Variants in KIRREL3 observed in about 807,000 individuals in gnomAD.
KIRREL3 encodes kin of IRRE-like protein 3.
Under a neutral mutation model 89.7 loss-of-function variants are expected in KIRREL3, and 36 were observed. The ratio of observed to expected loss-of-function variants is 0.40; its 90% CI spans 0.31 to 0.53. The LOEUF (loss-of-function observed/expected upper bound fraction) is 0.53. KIRREL3 is among the 20% of genes least tolerant of loss of function. The pLI is 0.49. For missense variants in KIRREL3, 864 were observed against 1,056.6 expected, an observed-to-expected ratio of 0.82 and a Z score of 2.53; for synonymous variants, 445 against 441.4, an observed-to-expected ratio of 1.01 and a Z score of -0.10.
At chr11:126,657,680 C>T (rs1945214934) in intron 1 of KIRREL3, among the ~76,000 whole-genome samples, 1 of 152,210 alleles carries the variant, frequency 6.6e-6, no homozygotes, top group Admixed American at 6.5e-5. Context: ...GAGGACTGCG[C>T]TAGCTTGGGA....
In KIRREL3 at chr11:126,683,305, G is replaced by A. The variant is rs1375153046; in HGVS notation, c.56-120393C>T. Among the ~76,000 whole-genome samples the A allele has an allele frequency of 6.6e-6, 1 of 152,172 alleles. No individual in the cohort carries two copies. Among genetic ancestry groups the A allele is most frequent in the Non-Finnish European group, 1.5e-5 (1 of 68,030 alleles). ...ACCAAATCTGGAAAGTAGAGTTGGG[G>A]TTGTGAAATATTAGAACGTGTGGAT... On this transcript the variant is annotated intron_variant, in intron 1 of 16. Coordinates refer to ENST00000525144, the MANE Select transcript of KIRREL3 (RefSeq NM_032531.4). This position sits in a 1 kb window ranked among gnomAD's most constrained non-coding sequence, Gnocchi z 5.2.
At chr11:126,665,110 AT>A (rs1398342086) in intron 1 of KIRREL3, among the ~76,000 whole-genome samples, 1 of 152,108 alleles carries the variant, frequency 6.6e-6, no homozygotes, top group South Asian at 2.1e-4. Context: ...ATTGTTGTAG[AT>A]TTCCTTCCAC....
intron 1 of KIRREL3, among the ~76,000 whole-genome samples, chr11:126,826,234 T>G (rs4937187): frequency 0.86 from 131,380 of 152,170 alleles, 57,067 homozygotes; most frequent in East Asian, 1. Context: ...AATTCTGCCT[T>G]GTTTTGATGA....
Position 126,521,463 on chromosome 11 carries a change from A to G in KIRREL3, c.285T>C (p.Ser95=), listed in dbSNP as rs1355672755. ...TCCCTACCACCAGGTACTGTGGGTA[A>G]CCTGTGGAGACAACAGGCAGGTCAG... ...LALGVGRDLS[S]YPQYLVVGNH... Residue 95 remains serine (S), a splice_region_variant and synonymous_variant, in exon 4 of 17, where the codon AGT becomes AGC. Coordinates refer to ENST00000525144, the MANE Select transcript of KIRREL3 (RefSeq NM_032531.4). The surrounding 1 kb of genome is among the most constrained non-coding windows in gnomAD (Gnocchi z 4.1). 2.5e-6 allele frequency: 4 copies of G among 1,580,806 alleles called. No individual in the cohort carries two copies. Among genetic ancestry groups the G allele is most frequent in the Admixed American group, 1.8e-5 (1 of 55,128 alleles).
rs1764802326 is a variant in KIRREL3 at position 126,550,064 on chromosome 11, T to C, written c.133+12771A>G. On this transcript the variant is annotated intron_variant, in intron 2 of 16. Transcript: ENST00000525144. The surrounding 1 kb of genome is among the most constrained non-coding windows in gnomAD (Gnocchi z 4.9). The stretch of plus-strand genomic sequence containing the variant: ...GGTTACCGCAACTGCGACATTGTAT[T>C]GTAGTTGCTGACGTGTTTGTCTCTC... 6.6e-6 allele frequency: 1 copy of C among 152,252 alleles called. No homozygotes were observed. The highest frequency in any genetic ancestry group is 1.5e-5 in the Non-Finnish European group (1 of 68,050). 9.4% of individuals were successfully genotyped at this position (152,252 alleles called of 1,614,324 possible). A position where few individuals can be genotyped will look rare whatever the true frequency, so the allele number is the denominator to read the frequency against.
intron 4 of KIRREL3, among the ~76,000 whole-genome samples, chr11:126,494,825 C>T (rs1479810171): frequency 1.3e-5 from 2 of 152,224 alleles, no homozygotes; most frequent in African/African-American, 4.8e-5. Context: ...GATGGATGGG[C>T]TCCCGAGGCC....
Position 126,562,370 on chromosome 11 carries a change from G to A in KIRREL3, c.133+465C>T, listed in dbSNP as rs762077133. ...AAAGGGGGCAGGTTTCCTAGGGTAA[G>A]TTCTTTGGGAATAAAGACATTGCCA... On this transcript the variant is annotated intron_variant, in intron 2 of 16. Transcript: ENST00000525144. This position sits in a 1 kb window ranked among gnomAD's most constrained non-coding sequence, Gnocchi z 4.7. 2.6e-5 allele frequency among the ~76,000 whole-genome samples: 4 copies of A among 152,174 alleles called. No individual in the cohort carries two copies. Among genetic ancestry groups the A allele is most frequent in the Non-Finnish European group, 4.4e-5 (3 of 68,034 alleles).
chr11:126,472,487 C>A (rs1956922172), intron 5 of KIRREL3, among the ~76,000 whole-genome samples: 1 of 152,176 alleles, frequency 6.6e-6, no homozygotes, highest in Admixed American at 6.5e-5. Flanking sequence ...GAAGCTCCAC[C>A]CCCATGACCT....
chr11:126,930,373 G>T (rs1202962386), intron 1 of KIRREL3, among the ~76,000 whole-genome samples: 1 of 152,072 alleles, frequency 6.6e-6, no homozygotes, highest in Non-Finnish European at 1.5e-5. Context: ...GCTCACCCTT[G>T]CCTGTTGTGC....
In KIRREL3 at chr11:126,819,569, G is replaced by A. The variant is rs555072559; in HGVS notation, c.55+180886C>T. Among the ~76,000 whole-genome samples, 28 of 152,340 alleles carry A rather than the reference G, an allele frequency of 1.8e-4. No homozygotes were observed. In the South Asian group the frequency reaches 5.8e-3, roughly 32 times the overall value. ...ATACAGCCACCCCAATTAAGAGCAC[G>A]TTGGCCATCTGCTTCGCAGGTACGA... On this transcript the variant is annotated intron_variant, in intron 1 of 16. Transcript: ENST00000525144.
At chr11:126,699,705 G>C (rs1374962758) in intron 1 of KIRREL3, among the ~76,000 whole-genome samples, 5 of 152,192 alleles carry the variant, frequency 3.3e-5, no homozygotes, top group Non-Finnish European at 7.3e-5. Flanking sequence ...TGTGGCTAGT[G>C]ATGAGTGTAT....
intron 1 of KIRREL3, among the ~76,000 whole-genome samples, chr11:126,848,214 A>T (rs1365661895): frequency 6.6e-6 from 1 of 152,254 alleles, no homozygotes; most frequent in African/African-American, 2.4e-5. Flanking sequence ...ATCTGAGATT[A>T]CTTATGGAAC....
In KIRREL3 at chr11:126,991,301, A is replaced by C. The variant is rs1950028621; in HGVS notation, c.55+9154T>G. On this transcript the variant is annotated intron_variant, in intron 1 of 16. Transcript: ENST00000525144. This position sits in a 1 kb window ranked among gnomAD's most constrained non-coding sequence, Gnocchi z 5.8. ...CATCTCTCCATGTGCTGATATTACA[A>C]GCACTGCTGGCTTCTCCTCTCATTA... 6.6e-6 allele frequency among the ~76,000 whole-genome samples: 1 copy of C among 152,080 alleles called. No homozygotes were observed.
intron 1 of KIRREL3, among the ~76,000 whole-genome samples, chr11:126,929,320 A>G (rs559317301): frequency 2.6e-5 from 4 of 152,194 alleles, no homozygotes; most frequent in East Asian, 1.9e-4. Context: ...TCCGAATGAA[A>G]TCCAGACAGG....
Position 126,424,389 on chromosome 11 carries a change from G to T in KIRREL3, c.*191C>A. 9 of 498,580 alleles carry T rather than the reference G, an allele frequency of 1.8e-5. No individual in the cohort carries two copies. Among genetic ancestry groups the T allele is most frequent in the East Asian group, 3.8e-5 (1 of 26,168 alleles). 30.9% of individuals were successfully genotyped at this position (498,580 alleles called of 1,614,324 possible). On this transcript the variant is annotated 3_prime_UTR_variant, in exon 17 of 17. Coordinates refer to ENST00000525144, the MANE Select transcript of KIRREL3 (RefSeq NM_032531.4). ...TCTGTCTCCCCACCCGCCCACCTCT[G>T]GCACACAGCACCTGGGGACCCAGAT...
In KIRREL3 at chr11:126,432,400, G is replaced by A. The variant is rs1408876025; in HGVS notation, c.1589-874C>T. Among the ~76,000 whole-genome samples, 1 of 152,170 alleles carries A rather than the reference G, an allele frequency of 6.6e-6. No homozygotes were observed. Among genetic ancestry groups the A allele is most frequent in the Non-Finnish European group, 1.5e-5 (1 of 68,034 alleles). On this transcript the variant is annotated intron_variant, in intron 13 of 16. Coordinates refer to ENST00000525144, the MANE Select transcript of KIRREL3 (RefSeq NM_032531.4). This position sits in a 1 kb window ranked among gnomAD's most constrained non-coding sequence, Gnocchi z 6.2. The stretch of plus-strand genomic sequence containing the variant: ...CCTTCTACAGCTGCAAGTGGGGTCG[G>A]AGCACATGATTTAGGGCCTTGAGGA...
chr11:126,582,171 C>T (rs1392454973), intron 1 of KIRREL3, among the ~76,000 whole-genome samples: 3 of 152,186 alleles, frequency 2.0e-5, no homozygotes, highest in East Asian at 1.9e-4. Flanking sequence ...TGGAGCCTCT[C>T]TGGGCTTTTG....
chr11:126,566,849 G>C lies in KIRREL3; in HGVS notation c.56-3937C>G, dbSNP rs1940557125. Among the ~76,000 whole-genome samples the C allele has an allele frequency of 6.6e-6, 1 of 152,146 alleles. No individual in the cohort carries two copies. Among genetic ancestry groups the C allele is most frequent in the African/African-American group, 2.4e-5 (1 of 41,430 alleles). On this transcript the variant is annotated intron_variant, in intron 1 of 16. Transcript: ENST00000525144. The surrounding 1 kb of genome is among the most constrained non-coding windows in gnomAD (Gnocchi z 4.9). ...TCTCTTTAGATGCTCACAGTAAGTA[G>C]CTCTGTGACACAGGCAAGTCAGAAA...
chr11:126,473,377 C>A lies in KIRREL3; in HGVS notation c.523G>T (p.Ala175Ser). Reference protein sequence around the residue: ...PLNLTCHADNAKPAASIIWLR... With the variant: ...PLNLTCHADNSKPAASIIWLR... Reference sequence around the variant, plus strand: ...CAGATGATGGAGGCTGCAGGCTTGGCATTGTCTGCGTGGCAGGTGAGGTTG... The same window carrying A: ...CAGATGATGGAGGCTGCAGGCTTGGAATTGTCTGCGTGGCAGGTGAGGTTG... The change falls in exon 5 of 17, where the codon GCC becomes TCC. Residue 175 changes from alanine to serine, a missense_variant. Physicochemically the swap from Ala to Ser is moderately conservative, Grantham distance 99 (BLOSUM62 1). Coordinates refer to ENST00000525144, the MANE Select transcript of KIRREL3 (RefSeq NM_032531.4). The A allele has an allele frequency of 6.4e-7, 1 of 1,571,746 alleles. No homozygotes were observed. The highest frequency in any genetic ancestry group is 8.6e-7 in the Non-Finnish European group (1 of 1,160,204).
Sources: gnomAD v4.1 joint callset for allele counts (sites outside exome capture counted in the v4.1 genomes callset) on GRCh38, gnomAD v4.1.1 for gene constraint, Gnocchi (gnomAD v3.1) non-coding constraint, MANE v1.5 for transcripts, NCBI Gene and HGNC (gene_info 2026-07-23, HGNC 2026-07-21) for gene names.